The following RC3H1 variants were observed in gnomAD, a reference collection of about 807,000 sequenced individuals.
RC3H1 encodes the protein roquin-1.
Under a neutral mutation model 138.2 loss-of-function variants are expected in RC3H1, and 50 were observed. That is an observed-to-expected ratio of 0.36 (90% CI 0.29 to 0.46). RC3H1 has a LOEUF of 0.46. Ranked by LOEUF, RC3H1 falls within the 20% of genes least tolerant of loss-of-function variation. RC3H1 has a pLI of 1.00. For synonymous variants in RC3H1, 462 were observed against 489.1 expected (o/e 0.94, Z 0.73); for missense variants, 1,031 against 1,388.1 (o/e 0.74, Z 4.09).
At position 174,010,142 on chromosome 1, in the gene RC3H1, T is replaced by TA. The variant is rs144636942; in HGVS notation, c.-151+11953dup. ...TGATGTCCTCACTTTTATCTTCCAT[T>TA]AAAAAAAAAATCTTCCATAAATATA... is the stretch of plus-strand genomic sequence containing the variant. On this transcript the variant is annotated intron_variant, in intron 1 of 19. Transcript: ENST00000367696. 7.4e-3 allele frequency among the ~76,000 whole-genome samples: 1,106 copies of TA among 148,572 alleles called. 6 individuals carry two copies. Among genetic ancestry groups the TA allele is most frequent in the Non-Finnish European group, 0.011 (768 of 66,850 alleles).
intron 2 of RC3H1, among the ~76,000 whole-genome samples, chr1:173,989,017 T>C (rs76380901): frequency 6.6e-6 from 1 of 152,166 alleles, no homozygotes; most frequent in African/African-American, 2.4e-5. Context: ...CTTGTTGGTA[T>C]CTTTGTTTTT....
In RC3H1 at chr1:174,014,831, T is replaced by G. The variant is rs558538932; in HGVS notation, c.-151+7265A>C. On this transcript the variant is annotated intron_variant, in intron 1 of 19. Coordinates refer to ENST00000367696, the MANE Select transcript of RC3H1 (RefSeq NM_172071.4). ...ACTGGACTCCAAAGTGTATGTTCTA[T>G]TTTTTTTAGCGAGGTCTATATTCTA... Among the ~76,000 whole-genome samples the G allele has an allele frequency of 2.6e-5, 4 of 151,980 alleles. No homozygotes were observed. The East Asian group carries it at 7.7e-4, about 29-fold the overall frequency.
chr1:174,011,593 A>C (rs895751038), intron 1 of RC3H1, among the ~76,000 whole-genome samples: 2 of 152,174 alleles, frequency 1.3e-5, no homozygotes, highest in African/African-American at 4.8e-5. Flanking sequence ...AGTATACAGA[A>C]AAGTCAAATC....
At position 173,938,589 on chromosome 1, in the gene RC3H1, A is replaced by G. The variant is rs1467419010; in HGVS notation, c.*132T>C. ...GTTTTTAGTAGTGGTGTTTGTGCACATTGCCTCTGGTGAATTTCCTGGATT... is the reference window on the plus strand; with the variant it reads ...GTTTTTAGTAGTGGTGTTTGTGCACGTTGCCTCTGGTGAATTTCCTGGATT... On this transcript the variant is annotated 3_prime_UTR_variant, in exon 20 of 20. Coordinates refer to ENST00000367696, the MANE Select transcript of RC3H1 (RefSeq NM_172071.4). 1 of 584,074 alleles carries G rather than the reference A, an allele frequency of 1.7e-6. No individual in the cohort carries two copies. Among genetic ancestry groups the G allele is most frequent in the East Asian group, 2.9e-5 (1 of 35,020 alleles). 36.2% of individuals were successfully genotyped at this position (584,074 alleles called of 1,614,324 possible).
At chr1:173,996,853 T>G (rs1661470146) in intron 1 of RC3H1, among the ~76,000 whole-genome samples, 1 of 152,034 alleles carries the variant, frequency 6.6e-6, no homozygotes, top group Admixed American at 6.6e-5. Flanking sequence ...TAATAAAACT[T>G]CCATTGATCA....
At chr1:173,940,418 C>CCGAG (rs1443414290) in intron 19 of RC3H1, among the ~76,000 whole-genome samples, 1 of 152,080 alleles carries the variant, frequency 6.6e-6, no homozygotes, top group Non-Finnish European at 1.5e-5. Flanking sequence ...TTGCCGTGAG[C>CCGAG]CGAGATCGTG....
At chr1:173,941,555 ATCCACTT>A in intron 18 of RC3H1, 175 bp from the exon 19 acceptor site, 2 of 516,396 alleles carry the variant, frequency 3.9e-6, no homozygotes. Context: ...ACAGAATACA[ATCCACTT>A]GCTCACTAAC....
At chr1:173,974,897 G>A (rs927175345) in intron 7 of RC3H1, among the ~76,000 whole-genome samples, 1 of 152,156 alleles carries the variant, frequency 6.6e-6, no homozygotes, top group Admixed American at 6.5e-5. Context: ...AAGGTAAATG[G>A]ATTCTGGATG....
intron 2 of RC3H1, among the ~76,000 whole-genome samples, chr1:173,987,507 T>C (rs73041078): frequency 0.022 from 3,339 of 152,310 alleles, 136 homozygotes; most frequent in African/African-American, 0.077. Context: ...TGAATACTTC[T>C]CTATACTTTC....
intron 18 of RC3H1, among the ~76,000 whole-genome samples, chr1:173,943,176 A>G (rs574125344): frequency 6.6e-6 from 1 of 152,344 alleles, no homozygotes; most frequent in African/African-American, 2.4e-5. Flanking sequence ...TAAGACTTCC[A>G]TTAAGTTCTT....
Position 173,937,961 on chromosome 1 carries a change from A to G in RC3H1, c.*760T>C, listed in dbSNP as rs1435696026. 6.6e-6 allele frequency: 1 copy of G among 152,246 alleles called. No homozygotes were observed. The highest frequency in any genetic ancestry group is 1.5e-5 in the Non-Finnish European group (1 of 68,040). The allele number at this position is 152,246 out of a possible 1,614,324, so 9.4% of individuals were successfully genotyped here. A position where few individuals can be genotyped will look rare whatever the true frequency, so the allele number is the denominator to read the frequency against. ...TAAACACTGAATCAGCTTTCTGATT[A>G]TATTAAGAGAATGCAAATGATCCTT... On this transcript the variant is annotated 3_prime_UTR_variant, in exon 20 of 20. Coordinates refer to ENST00000367696, the MANE Select transcript of RC3H1 (RefSeq NM_172071.4).
chr1:174,001,565 T>C (rs1265251849), intron 1 of RC3H1, among the ~76,000 whole-genome samples: 1 of 151,986 alleles, frequency 6.6e-6, no homozygotes, highest in Admixed American at 6.6e-5. Flanking sequence ...TCATGCAGAG[T>C]AGCTGGGATT....
intron 18 of RC3H1, among the ~76,000 whole-genome samples, chr1:173,942,968 T>G (rs748746813): frequency 8.5e-5 from 13 of 152,142 alleles, no homozygotes; most frequent in Non-Finnish European, 1.8e-4. Context: ...ATGGATATAG[T>G]TTTTCCTAAG....
intron 1 of RC3H1, among the ~76,000 whole-genome samples, chr1:174,015,523 C>A (rs572923054): frequency 6.6e-6 from 1 of 151,768 alleles, no homozygotes; most frequent in Non-Finnish European, 1.5e-5. Flanking sequence ...TGCCACCATG[C>A]CCGGCTAATT....
intron 13 of RC3H1, among the ~76,000 whole-genome samples, chr1:173,953,559 C>T (rs1659507518): frequency 6.6e-6 from 1 of 152,028 alleles, no homozygotes; most frequent in African/African-American, 2.4e-5. Context: ...GCGTGAGCTA[C>T]CATGCCTGGC....
In RC3H1 at chr1:173,961,945, T is replaced by C; in HGVS notation, c.1982A>G (p.Gln661Arg). 1 of 1,614,156 alleles carries C rather than the reference T, an allele frequency of 6.2e-7. No homozygotes were observed. The highest frequency in any genetic ancestry group is 8.5e-7 in the Non-Finnish European group (1 of 1,180,030). ...VNSQYGTQPQ[Q>R]YPPIYPSHYD... ...GTGAGATGGGTATATAGGTGGGTAC[T>C]GCTGTGGCTGTGTGCCATACTGAGA... The change falls in exon 12 of 20, where the codon CAG becomes CGG. Residue 661 changes from glutamine to arginine, a missense_variant. This residue lies in a region of RC3H1 where 716 missense variants were observed against 837.9 expected (regional missense o/e 0.85). Transcript: ENST00000367696.
intron 1 of RC3H1, among the ~76,000 whole-genome samples, chr1:173,994,243 A>G (rs1315980594): frequency 1.3e-5 from 2 of 151,728 alleles, no homozygotes; most frequent in Non-Finnish European, 2.9e-5. Flanking sequence ...AATATAAAAA[A>G]TTAGCCAGGT....
Position 173,931,967 on chromosome 1 carries a change from TA to T in RC3H1, c.*6753del, listed in dbSNP as rs895953664. ...AAGAAAGAATAGGGAGCTGTGGCAA[TA>T]AAAAAACAAAAAAATGCAAGAAAAC... On this transcript the variant is annotated 3_prime_UTR_variant, in exon 20 of 20. Transcript: ENST00000367696. The T allele has an allele frequency of 6.6e-6, 1 of 151,408 alleles. No individual in the cohort carries two copies. Among genetic ancestry groups the T allele is most frequent in the Middle Eastern group, 3.4e-3 (1 of 294 alleles). 9.4% of individuals were successfully genotyped at this position (151,408 alleles called of 1,614,324 possible).
intron 7 of RC3H1, among the ~76,000 whole-genome samples, chr1:173,974,262 A>AGAG (rs1225403815): frequency 1.5e-5 from 2 of 134,118 alleles, no homozygotes; most frequent in African/African-American, 5.6e-5. Context: ...CCTGGTCAAT[A>AGAG]GAGGGAGACT....
Sources: gnomAD v4.1 joint callset for allele counts (sites outside exome capture counted in the v4.1 genomes callset) on GRCh38, gnomAD v4.1.1 for gene constraint, gnomAD v4.1.1 regional missense constraint, MANE v1.5 for transcripts, NCBI Gene and HGNC (gene_info 2026-07-23, HGNC 2026-07-21) for gene names.